The following RXFP1 variants were observed in gnomAD, a reference collection of about 807,000 sequenced individuals.
RXFP1 encodes relaxin receptor 1.
A neutral mutation model predicts 89.8 loss-of-function variants in RXFP1; 73 were observed. The ratio of observed to expected loss-of-function variants is 0.81; its 90% CI spans 0.67 to 0.99. The LOEUF (loss-of-function observed/expected upper bound fraction) is 0.99, where lower values mean the gene tolerates loss of function less well. Among genes scored for constraint, RXFP1 ranks in the 50% least tolerant of loss-of-function variants. The pLI is 0.00. For missense variants in RXFP1, 793 were observed against 895.5 expected, an observed-to-expected ratio of 0.89 and a Z score of 1.46; for synonymous variants, 277 against 305.5, an observed-to-expected ratio of 0.91 and a Z score of 0.97.
At chr4:158,552,791 A>C (rs992536448) in intron 1 of RXFP1, among the ~76,000 whole-genome samples, 3 of 152,266 alleles carry the variant, frequency 2.0e-5, no homozygotes, top group African/African-American at 4.8e-5. Flanking sequence ...CCCTACAGGT[A>C]TCACCGTATT....
At chr4:158,590,664 C>A (rs1759265961) in intron 2 of RXFP1, among the ~76,000 whole-genome samples, 1 of 152,064 alleles carries the variant, frequency 6.6e-6, no homozygotes, top group African/African-American at 2.4e-5. Flanking sequence ...TTATGAGAGT[C>A]CCAAGTTCTA....
intron 1 of RXFP1, among the ~76,000 whole-genome samples, chr4:158,541,016 A>C (rs555499600): frequency 6.6e-6 from 1 of 152,312 alleles, no homozygotes; most frequent in African/African-American, 2.4e-5. Context: ...ATCCTAAAAA[A>C]AAGAAGCAGT....
chr4:158,579,772 G>T (rs1271865870), intron 2 of RXFP1, among the ~76,000 whole-genome samples: 1 of 152,214 alleles, frequency 6.6e-6, no homozygotes, highest in Non-Finnish European at 1.5e-5. Flanking sequence ...CCAATGAGCT[G>T]TTCTTACGCA....
At chr4:158,531,083 C>T (rs906183019) in intron 1 of RXFP1, among the ~76,000 whole-genome samples, 6 of 152,144 alleles carry the variant, frequency 3.9e-5, no homozygotes, top group Non-Finnish European at 7.3e-5. Flanking sequence ...CTGGCCCAGG[C>T]TTGAGTGCAG....
At position 158,652,874 on chromosome 4, in the gene RXFP1, A is replaced by G. The variant is rs1772973528; in HGVS notation, c.*819A>G. The G allele has an allele frequency of 6.6e-6, 1 of 152,240 alleles. No individual in the cohort carries two copies. The highest frequency in any genetic ancestry group is 2.4e-5 in the African/African-American group (1 of 41,470). 9.4% of individuals were successfully genotyped at this position (152,240 alleles called of 1,614,324 possible). ...TATTGTCAGTTAACTGATTTTCAAC[A>G]AGGATGCCAAGACAAAAAGGCTTTT... On this transcript the variant is annotated 3_prime_UTR_variant, in exon 18 of 18. Coordinates refer to ENST00000307765, the MANE Select transcript of RXFP1 (RefSeq NM_021634.4).
intron 9 of RXFP1, among the ~76,000 whole-genome samples, chr4:158,625,516 T>C (rs559077353): frequency 2.0e-5 from 3 of 152,150 alleles, no homozygotes; most frequent in Admixed American, 2.0e-4. Flanking sequence ...ATATATTCTA[T>C]AGCCTGACTT....
Position 158,593,446 on chromosome 4 carries a change from G to A in RXFP1, c.233G>A (p.Ser78Asn). ...WSLQFDKYFA[S>N]YYKMTSQYPF... is the part of the protein sequence containing the mutation. ...CTGCAATTTGACAAATATTTTGCCA[G>A]TTACTACAAAATGACTTCCCAATAT... The change falls in exon 3 of 18, where the codon AGT (serine) becomes AAT (asparagine). Residue 78 changes from serine (S) to asparagine (N), a missense_variant. Physicochemically the swap from Ser to Asn is conservative, Grantham distance 46. Coordinates refer to ENST00000307765, the MANE Select transcript of RXFP1 (RefSeq NM_021634.4). 2 of 1,612,384 alleles carry A rather than the reference G, an allele frequency of 1.2e-6. No homozygotes were observed. The highest frequency in any genetic ancestry group is 1.7e-6 in the Non-Finnish European group (2 of 1,178,964).
intron 6 of RXFP1, among the ~76,000 whole-genome samples, chr4:158,610,019 A>G (rs1763266134): frequency 6.6e-6 from 1 of 152,174 alleles, no homozygotes; most frequent in African/African-American, 2.4e-5. Context: ...TAGTCCCAGC[A>G]CTTTGGGAGG....
At position 158,644,956 on chromosome 4, in the gene RXFP1, G is replaced by C. The variant is rs1771225138; in HGVS notation, c.1163G>C (p.Ser388Thr). 3 of 1,614,118 alleles carry C rather than the reference G, an allele frequency of 1.9e-6. No homozygotes were observed. Among genetic ancestry groups the C allele is most frequent in the Non-Finnish European group, 2.5e-6 (3 of 1,179,974 alleles). Residue 388 changes from serine to threonine, a missense_variant, in exon 15 of 18, where the codon AGC (serine) becomes ACC (threonine). Transcript: ENST00000307765. Reference protein sequence around the residue: ...QYCGYAPHVRSCKPNTDGISS... With the variant: ...QYCGYAPHVRTCKPNTDGISS... ...TGTGGGTATGCACCACATGTTCGCA[G>C]CTGTAAACCAAACACTGATGGAATT...
rs183246864 is a variant in RXFP1, at chr4:158,624,754, G to A, written c.756-2066G>A. On this transcript the variant is annotated intron_variant, in intron 9 of 17. Transcript: ENST00000307765. Reference sequence around the variant, plus strand: ...GGACTAAAACCCCTAACTTTAGGAAGAAAATATACATATTCATATGTATGC... The same window carrying A: ...GGACTAAAACCCCTAACTTTAGGAAAAAAATATACATATTCATATGTATGC... 2.4e-3 allele frequency among the ~76,000 whole-genome samples: 368 copies of A among 152,070 alleles called. 4 individuals carry two copies. Among genetic ancestry groups the A allele is most frequent in the African/African-American group, 8.2e-3 (340 of 41,500 alleles).
intron 1 of RXFP1, among the ~76,000 whole-genome samples, chr4:158,525,414 A>C (rs1401899975): frequency 6.6e-6 from 1 of 152,168 alleles, no homozygotes; most frequent in Admixed American, 6.5e-5. Flanking sequence ...ACATATTTTG[A>C]ATCATATTTT....
rs73860561 is a variant in RXFP1, at chr4:158,638,111, A to G, written c.1043+32A>G. The G allele has an allele frequency of 3.0e-3, 3,943 of 1,315,814 alleles. 59 individuals are homozygous for G. The African/African-American group carries it at 0.04, about 13-fold the overall frequency. 81.5% of individuals were successfully genotyped at this position (1,315,814 alleles called of 1,614,324 possible). Reference sequence around the variant, plus strand: ...ATTCACATATGGGGATAGTTTTATGATAAAATTGTTTTTTAAATACTAACA... The same window carrying G: ...ATTCACATATGGGGATAGTTTTATGGTAAAATTGTTTTTTAAATACTAACA... On this transcript the variant is annotated intron_variant, in intron 13 of 17. Transcript: ENST00000307765.
intron 1 of RXFP1, among the ~76,000 whole-genome samples, chr4:158,555,472 T>C (rs1010981857): frequency 6.6e-6 from 1 of 152,220 alleles, no homozygotes; most frequent in African/African-American, 2.4e-5. Context: ...GTACTTGCTC[T>C]CTGGCTTTGG....
intron 1 of RXFP1, among the ~76,000 whole-genome samples, chr4:158,547,811 G>C (rs1442012606): frequency 6.6e-6 from 1 of 152,210 alleles, no homozygotes; most frequent in Admixed American, 6.5e-5. Flanking sequence ...TGTGGTCTGA[G>C]AGACAGTTTG....
intron 1 of RXFP1, among the ~76,000 whole-genome samples, chr4:158,524,615 T>C (rs1742023828): frequency 6.6e-6 from 1 of 152,232 alleles, no homozygotes; most frequent in Non-Finnish European, 1.5e-5. Context: ...TTAATTGTAT[T>C]GTGCCAATGT....
intron 14 of RXFP1, among the ~76,000 whole-genome samples, chr4:158,641,407 C>T (rs1158924864): frequency 2.6e-5 from 4 of 152,064 alleles, no homozygotes; most frequent in Admixed American, 1.3e-4. Context: ...AAGTAATTCT[C>T]TCAAAGGAAA....
intron 1 of RXFP1, among the ~76,000 whole-genome samples, chr4:158,533,260 A>C (rs1404669435): frequency 6.6e-6 from 1 of 152,206 alleles, no homozygotes; most frequent in African/African-American, 2.4e-5. Flanking sequence ...TAAAGCCAAG[A>C]AGGTGAGGAC....
At chr4:158,608,576 G>T (rs1197544468) in intron 6 of RXFP1, among the ~76,000 whole-genome samples, 1 of 151,956 alleles carries the variant, frequency 6.6e-6, no homozygotes, top group African/African-American at 2.4e-5. Context: ...ACAAATGCAT[G>T]AAATACTGTA....
chr4:158,599,206 G>A (rs753049944), intron 3 of RXFP1, 120 bp from the exon 4 acceptor site: 13 of 1,502,294 alleles, frequency 8.7e-6, no homozygotes, highest in Non-Finnish European at 1.2e-5. Flanking sequence ...TGCCTACGTA[G>A]CACATGATAT....
Sources: gnomAD v4.1 joint callset for allele counts (sites outside exome capture counted in the v4.1 genomes callset) on GRCh38, gnomAD v4.1.1 for gene constraint, MANE v1.5 for transcripts, NCBI Gene and HGNC (gene_info 2026-07-23, HGNC 2026-07-21) for gene names.